CSMD1: variants seen among roughly 807,000 people sequenced by gnomAD.
CSMD1 encodes the protein CUB and Sushi multiple domains 1, also known as CUB and sushi domain-containing protein 1.
Under a neutral mutation model 417.5 loss-of-function variants are expected in CSMD1, and 213 were observed. The ratio of observed to expected loss-of-function variants is 0.51; its 90% CI spans 0.46 to 0.57. The LOEUF (loss-of-function observed/expected upper bound fraction) is 0.57. Ranked by LOEUF, CSMD1 falls within the 20% of genes least tolerant of loss-of-function variation. The pLI is 0.00. For missense variants in CSMD1, 6,923 were observed against 4,529.7 expected, an observed-to-expected ratio of 1.53 and a Z score of -15.17; for synonymous variants, 2,862 against 1,736.8, an observed-to-expected ratio of 1.65 and a Z score of -16.11.
chr8:3,621,594 C>CT (rs909495788), intron 7 of CSMD1, among the ~76,000 whole-genome samples: 16 of 151,724 alleles, frequency 1.1e-4, no homozygotes, highest in African/African-American at 3.1e-4. Context: ...TCTTTTCTTA[C>CT]TTTTTTTTCT....
chr8:3,379,010 C>A (rs1427629257), intron 18 of CSMD1, among the ~76,000 whole-genome samples: 1 of 152,214 alleles, frequency 6.6e-6, no homozygotes, highest in African/African-American at 2.4e-5. Context: ...ATTTTCTCAT[C>A]TCAAAATCTC....
chr8:4,737,180 C>G (rs1280381689), intron 1 of CSMD1, among the ~76,000 whole-genome samples: 1 of 152,124 alleles, frequency 6.6e-6, no homozygotes, highest in Non-Finnish European at 1.5e-5. Context: ...ATCATGTCCT[C>G]TGCAGGGACA....
chr8:4,311,744 G>C lies in CSMD1; in HGVS notation c.415+108209C>G, dbSNP rs953158281. Among the ~76,000 whole-genome samples, 166 of 120,458 alleles carry C rather than the reference G, an allele frequency of 1.4e-3. 1 individual carries two copies. Among genetic ancestry groups the C allele is most frequent in the African/African-American group, 5.7e-3 (165 of 29,092 alleles). The allele number at this position is 120,458 out of a possible 152,430, so 79.0% of individuals were successfully genotyped here. ...TCTCAAAAAAAAAAAAAAAAAAGTA[G>C]AATCTAAATTATGAGAGTTCATAGA... On this transcript the variant is annotated intron_variant, in intron 3 of 69. Transcript: ENST00000635120.
At chr8:4,480,576 C>T (rs953158076) in intron 2 of CSMD1, among the ~76,000 whole-genome samples, 29 of 152,266 alleles carry the variant, frequency 1.9e-4, no homozygotes, top group African/African-American at 6.7e-4. Flanking sequence ...GCAATCAGCA[C>T]GGTTTAGCTT....
rs1170928208 is a variant in CSMD1 at position 3,162,193 on chromosome 8, A to T, written c.5810T>A (p.Leu1937His). 10 of 1,610,278 alleles carry T rather than the reference A, an allele frequency of 6.2e-6. No homozygotes were observed. In the Admixed American group the frequency reaches 1.7e-4, roughly 27 times the overall value. ...GTACCCGGGCTCGCACTGGAAGGAG[A>T]GCACGTCGTTCACCATGTACCGATC... Reference protein sequence around the residue: ...IGDRYMVNDVLSFQCEPGYTL... With the variant: ...IGDRYMVNDVHSFQCEPGYTL... Residue 1937 changes from leucine to histidine, a missense_variant, in exon 38 of 70, where the codon CTC becomes CAC. Coordinates refer to ENST00000635120, the MANE Select transcript of CSMD1 (RefSeq NM_033225.6).
intron 2 of CSMD1, among the ~76,000 whole-genome samples, chr8:4,430,081 T>G (rs144157580): frequency 6.6e-6 from 1 of 152,274 alleles, no homozygotes; most frequent in Non-Finnish European, 1.5e-5. Context: ...GAAACAAAAC[T>G]TAATGTTTAA....
chr8:4,475,368 A>G (rs1291369838), intron 2 of CSMD1, among the ~76,000 whole-genome samples: 1 of 152,214 alleles, frequency 6.6e-6, no homozygotes, highest in South Asian at 2.1e-4. Flanking sequence ...GAGTTAATGT[A>G]TGAACAATAT....
intron 33 of CSMD1, among the ~76,000 whole-genome samples, chr8:3,195,119 C>T (rs1376335497): frequency 6.6e-6 from 1 of 152,092 alleles, no homozygotes; most frequent in Non-Finnish European, 1.5e-5. Flanking sequence ...AAACAAATTA[C>T]AGAAATAGGC....
At chr8:4,418,974 T>C (rs145116960) in intron 3 of CSMD1, among the ~76,000 whole-genome samples, 1 of 152,192 alleles carries the variant, frequency 6.6e-6, no homozygotes, top group Admixed American at 6.6e-5. Flanking sequence ...AAAGAGAACC[T>C]TCTACACTGT....
chr8:3,743,825 T>C (rs1437670485), intron 6 of CSMD1, among the ~76,000 whole-genome samples: 3 of 152,170 alleles, frequency 2.0e-5, no homozygotes, highest in African/African-American at 4.8e-5. Context: ...CAGACACAAA[T>C]GCATATCTGC....
At chr8:4,158,651 G>A (rs1016957299) in intron 3 of CSMD1, among the ~76,000 whole-genome samples, 3 of 152,124 alleles carry the variant, frequency 2.0e-5, no homozygotes, top group African/African-American at 7.2e-5. Flanking sequence ...GGTGGTAGTG[G>A]AAGATCAACG....
intron 1 of CSMD1, among the ~76,000 whole-genome samples, chr8:4,657,462 A>T (rs928351082): frequency 6.6e-6 from 1 of 152,132 alleles, no homozygotes; most frequent in Admixed American, 6.6e-5. Flanking sequence ...GCATTCATGG[A>T]AATCTCTGTC....
intron 1 of CSMD1, among the ~76,000 whole-genome samples, chr8:4,705,703 T>C (rs934377510): frequency 7.2e-5 from 11 of 152,232 alleles, no homozygotes; most frequent in Admixed American, 6.5e-5. Context: ...TGAGTGTCTC[T>C]TTAACGTCTG....
At position 3,691,187 on chromosome 8, in the gene CSMD1, T is replaced by C. The variant is rs998070488; in HGVS notation, c.1009+17227A>G. On this transcript the variant is annotated intron_variant, in intron 7 of 69. Coordinates refer to ENST00000635120, the MANE Select transcript of CSMD1 (RefSeq NM_033225.6). ...TTTGAGACCAGCGTGACCAACATGGTGAAACCACGTCTCTACAAAAAATAC... is the reference window on the plus strand; with the variant it reads ...TTTGAGACCAGCGTGACCAACATGGCGAAACCACGTCTCTACAAAAAATAC... Among the ~76,000 whole-genome samples, 3 of 151,906 alleles carry C rather than the reference T, an allele frequency of 2.0e-5. No homozygotes were observed. The South Asian group carries it at 6.2e-4, about 32-fold the overall frequency.
At chr8:4,459,882 A>G (rs1438049857) in intron 2 of CSMD1, among the ~76,000 whole-genome samples, 1 of 152,208 alleles carries the variant, frequency 6.6e-6, no homozygotes, top group Non-Finnish European at 1.5e-5. Flanking sequence ...TATATAAAAC[A>G]GAACCTGACA....
At chr8:4,929,754 G>A (rs1357033361) in intron 1 of CSMD1, among the ~76,000 whole-genome samples, 1 of 152,094 alleles carries the variant, frequency 6.6e-6, no homozygotes, top group Non-Finnish European at 1.5e-5. Flanking sequence ...CCTAAGCCAT[G>A]GTTATTATAA....
At chr8:3,817,512 C>A (rs1440776171) in intron 5 of CSMD1, among the ~76,000 whole-genome samples, 1 of 151,908 alleles carries the variant, frequency 6.6e-6, no homozygotes, top group Non-Finnish European at 1.5e-5. Context: ...ATCTCCTGAC[C>A]TTGTGATCCA....
At chr8:4,054,147 C>A (rs1208712345) in intron 3 of CSMD1, among the ~76,000 whole-genome samples, 3 of 152,122 alleles carry the variant, frequency 2.0e-5, no homozygotes, top group African/African-American at 7.2e-5. Flanking sequence ...TATGTAAGTA[C>A]AGAACTCCTC....
chr8:2,980,362 G>C (rs371921797), intron 54 of CSMD1, among the ~76,000 whole-genome samples: 1 of 149,284 alleles, frequency 6.7e-6, no homozygotes, highest in Admixed American at 6.7e-5. Flanking sequence ...CTCCACCTCT[G>C]TGTCCTTTCT....
Sources: allele counts gnomAD v4.1 joint callset (sites outside exome capture counted in the v4.1 genomes callset), GRCh38; gene constraint gnomAD v4.1.1; transcripts MANE v1.5; gene names NCBI Gene and HGNC (gene_info 2026-07-23, HGNC 2026-07-21).